Variants in SART3 observed in about 807,000 individuals in gnomAD.
The protein encoded by SART3 is HIV-1 Tat-interacting protein of 110kDa.
In SART3, 44 loss-of-function variants were observed where a neutral mutation model predicts 122.3. That is an observed-to-expected ratio of 0.36 (90% CI 0.28 to 0.46). SART3 has a LOEUF of 0.46. SART3 is among the 20% of genes least tolerant of loss of function. SART3 has a pLI of 1.00. For synonymous variants in SART3, 442 were observed against 454.0 expected (o/e 0.97, Z 0.34); for missense variants, 1,101 against 1,229.0 (o/e 0.90, Z 1.56).
Position 108,523,633 on chromosome 12 carries a change from T to C in SART3, c.2716A>G (p.Arg906Gly). Residue 906 changes from arginine to glycine, a missense_variant and splice_region_variant, in exon 19 of 19, where the codon AGG becomes GGG. This residue lies in a region of SART3 where 885 missense variants were observed against 1,080.1 expected (regional missense o/e 0.82). Transcript: ENST00000546815. ...GACAGCTGCGTCCTTCCCTTCCCCCTCCTAAAAGAGCAAACACTGAATGGA... is the reference window on the plus strand; with the variant it reads ...GACAGCTGCGTCCTTCCCTTCCCCCCCCTAAAAGAGCAAACACTGAATGGA... ...PMLLPQTYGA[R>G]GKGRTQLSLL... 2 of 1,613,058 alleles carry C rather than the reference T, an allele frequency of 1.2e-6. No individual in the cohort carries two copies. Among genetic ancestry groups the C allele is most frequent in the South Asian group, 2.2e-5 (2 of 91,024 alleles).
chr12:108,540,416 T>C (rs760762899), intron 6 of SART3, among the ~76,000 whole-genome samples: 9 of 152,172 alleles, frequency 5.9e-5, no homozygotes, highest in Non-Finnish European at 1.3e-4. Flanking sequence ...CAGGGGACTC[T>C]AAAGGTCAAG....
At chr12:108,547,633 T>C (rs1190130446) in intron 3 of SART3, among the ~76,000 whole-genome samples, 2 of 152,328 alleles carry the variant, frequency 1.3e-5, no homozygotes, top group East Asian at 3.9e-4. Flanking sequence ...ACCATGTAAG[T>C]TCTCACTGTC....
In SART3 at chr12:108,553,073, G is replaced by GA. The variant is rs1056422746; in HGVS notation, c.313-3860dup. The stretch of plus-strand genomic sequence containing the variant: ...TTTTGACAAACGCAATGCAACAGAG[G>GA]AAAAAAAAAGGCATTTTCAAAAAAT... On this transcript the variant is annotated intron_variant, in intron 1 of 18. Transcript: ENST00000546815. 1.0e-3 allele frequency among the ~76,000 whole-genome samples: 152 copies of GA among 150,008 alleles called. 2 individuals are homozygous for GA. Among genetic ancestry groups the GA allele is most frequent in the East Asian group, 1.9e-3 (10 of 5,134 alleles).
At chr12:108,557,347 G>A (rs1025647460) in intron 1 of SART3, among the ~76,000 whole-genome samples, 4 of 151,174 alleles carry the variant, frequency 2.6e-5, no homozygotes, top group African/African-American at 9.7e-5. Flanking sequence ...CCGAGTAGCT[G>A]GGATTAACAA....
chr12:108,543,352 C>T lies in SART3; in HGVS notation c.782-200G>A, dbSNP rs149019985. On this transcript the variant is annotated intron_variant, in intron 5 of 18. Coordinates refer to ENST00000546815, the MANE Select transcript of SART3 (RefSeq NM_014706.4). ...TTAAAACAATGTCCCAGGCAACCCT[C>T]CCAGCTAATTAATCAGTCAATGACA... Among the ~76,000 whole-genome samples the T allele has an allele frequency of 4.4e-3, 675 of 152,324 alleles. 4 individuals carry two copies. The highest frequency in any genetic ancestry group is 6.8e-3 in the Non-Finnish European group (465 of 68,026).
At chr12:108,553,718 G>C (rs1435267966) in intron 1 of SART3, among the ~76,000 whole-genome samples, 1 of 152,184 alleles carries the variant, frequency 6.6e-6, no homozygotes, top group South Asian at 2.1e-4. Flanking sequence ...CAATGAAGTA[G>C]CCAGTGAACC....
intron 1 of SART3, 82 bp downstream of exon 1, chr12:108,560,761 A>T: frequency 1.6e-6 from 2 of 1,274,306 alleles, no homozygotes; most frequent in Non-Finnish European, 2.1e-6. Flanking sequence ...ATCGCCGCCG[A>T]GGACTAGGGA....
chr12:108,557,575 G>A (rs764211807), intron 1 of SART3, among the ~76,000 whole-genome samples: 3 of 152,158 alleles, frequency 2.0e-5, no homozygotes, highest in Non-Finnish European at 2.9e-5. Flanking sequence ...GGCGCTTTAC[G>A]CACATTGTGC....
rs893757471 is a variant in SART3, at chr12:108,537,420, G to C, written c.1309+68C>G. On this transcript the variant is annotated intron_variant, in intron 9 of 18. Coordinates refer to ENST00000546815, the MANE Select transcript of SART3 (RefSeq NM_014706.4). ...CAATCACAATGTATCTGGGGAACTG[G>C]GACATCTCGCCAAAAGTTGTATTAA... is the stretch of plus-strand genomic sequence containing the variant. 81 of 1,190,346 alleles carry C rather than the reference G, an allele frequency of 6.8e-5. No individual in the cohort carries two copies. In the African/African-American group the frequency reaches 1.0e-3, roughly 15 times the overall value. The allele number at this position is 1,190,346 out of a possible 1,614,324, so 73.7% of individuals were successfully genotyped here.
At position 108,525,893 on chromosome 12, in the gene SART3, C is replaced by G. The variant is rs374132818; in HGVS notation, c.2370+206G>C. 1.6e-5 allele frequency: 10 copies of G among 623,108 alleles called. No individual in the cohort carries two copies. In the East Asian group the frequency reaches 1.9e-4, roughly 12 times the overall value. 38.6% of individuals were successfully genotyped at this position (623,108 alleles called of 1,614,324 possible). On this transcript the variant is annotated intron_variant, in intron 16 of 18. Transcript: ENST00000546815. Reference sequence around the variant, plus strand: ...TAAAGCATTCAGCACAGTCCCTTGTCATTGCTAAGCACCCAGCAAGAAGGA... The same window carrying G: ...TAAAGCATTCAGCACAGTCCCTTGTGATTGCTAAGCACCCAGCAAGAAGGA...
At chr12:108,528,407 C>T (rs1056629850) in intron 15 of SART3, among the ~76,000 whole-genome samples, 2 of 148,894 alleles carry the variant, frequency 1.3e-5, no homozygotes, top group East Asian at 2.0e-4. Flanking sequence ...CACTTGAACC[C>T]AGGAGGCGGA....
rs1872205605 is a variant in SART3, at chr12:108,523,191, C to G, written c.*266G>C. 4 of 565,982 alleles carry G rather than the reference C, an allele frequency of 7.1e-6. No individual in the cohort carries two copies. Among genetic ancestry groups the G allele is most frequent in the African/African-American group, 1.9e-5 (1 of 53,260 alleles). The allele number at this position is 565,982 out of a possible 1,614,324, so 35.1% of individuals were successfully genotyped here. ...TCTCGTTTCGCTTCTGTGCCTCAGT[C>G]TTTAAGATACAAAACTATCTCAGGA... is the stretch of plus-strand genomic sequence containing the variant. On this transcript the variant is annotated 3_prime_UTR_variant, in exon 19 of 19. Coordinates refer to ENST00000546815, the MANE Select transcript of SART3 (RefSeq NM_014706.4).
intron 1 of SART3, among the ~76,000 whole-genome samples, chr12:108,556,380 G>A (rs1209969519): frequency 2.0e-5 from 3 of 152,212 alleles, no homozygotes; most frequent in Non-Finnish European, 4.4e-5. Flanking sequence ...CTACAGGTGT[G>A]AGCCACTGCA....
At chr12:108,541,797 G>A (rs1028387571) in intron 6 of SART3, among the ~76,000 whole-genome samples, 13 of 151,812 alleles carry the variant, frequency 8.6e-5, no homozygotes, top group African/African-American at 2.2e-4. Flanking sequence ...CTTGGGCTCC[G>A]AAAGTGCTGG....
chr12:108,525,654 G>A, intron 16 of SART3, 45 bp from the exon 17 acceptor site: 1 of 1,601,636 alleles, frequency 6.2e-7, no homozygotes, highest in East Asian at 2.2e-5. Flanking sequence ...TTCGAGGCAT[G>A]ACCCAGCTCA....
At position 108,523,537 on chromosome 12, in the gene SART3, G is replaced by A. The variant is rs1469973349; in HGVS notation, c.2812C>T (p.Pro938Ser). 1 of 1,613,870 alleles carries A rather than the reference G, an allele frequency of 6.2e-7. No homozygotes were observed. Among genetic ancestry groups the A allele is most frequent in the Non-Finnish European group, 8.5e-7 (1 of 1,180,012 alleles). Residue 938 changes from proline (P) to serine (S), a missense_variant, in exon 19 of 19, where the codon CCT (proline) becomes TCT (serine). Transcript: ENST00000546815. ...PQAENGPAAA[P>S]AVAAPAATEA... ...GTGGCTGCTGGGGCGGCAACTGCAGGAGCCGCGGCAGGGCCGTTCTCAGCC... is the reference window on the plus strand; with the variant it reads ...GTGGCTGCTGGGGCGGCAACTGCAGAAGCCGCGGCAGGGCCGTTCTCAGCC...
rs533241571 is a variant in SART3, at chr12:108,527,954, C to G, written c.1916-1401G>C. ...CTAATTTTTGTATTTTTAGTAGAGG[C>G]AGGTTTTCACCATGTTGGCCAGGTT... is the stretch of plus-strand genomic sequence containing the variant. On this transcript the variant is annotated intron_variant, in intron 15 of 18. Coordinates refer to ENST00000546815, the MANE Select transcript of SART3 (RefSeq NM_014706.4). Among the ~76,000 whole-genome samples the G allele has an allele frequency of 4.7e-4, 72 of 152,072 alleles. 2 individuals carry two copies. The South Asian group carries it at 0.014, about 30-fold the overall frequency.
chr12:108,535,852 A>C (rs1195015966), intron 11 of SART3, among the ~76,000 whole-genome samples: 1 of 151,996 alleles, frequency 6.6e-6, no homozygotes, highest in East Asian at 1.9e-4. Context: ...ACAAACTGTG[A>C]CTTGGGCAAA....
chr12:108,547,267 A>G (rs1428582631), intron 3 of SART3, among the ~76,000 whole-genome samples: 1 of 152,222 alleles, frequency 6.6e-6, no homozygotes, highest in African/African-American at 2.4e-5. Flanking sequence ...CTTCACTTGC[A>G]CTGGTAAGAT....
Sources: gnomAD v4.1 joint callset for allele counts (sites outside exome capture counted in the v4.1 genomes callset) on GRCh38, gnomAD v4.1.1 for gene constraint, gnomAD v4.1.1 regional missense constraint, MANE v1.5 for transcripts, NCBI Gene and HGNC (gene_info 2026-07-23, HGNC 2026-07-21) for gene names.